The following ADARB2 variants were observed in gnomAD, a reference collection of about 807,000 sequenced individuals.
The protein encoded by ADARB2 is inactive double-stranded RNA-specific editase B2.
ADARB2 carries 25 observed loss-of-function variants against 62.2 expected under a neutral mutation model. That is an observed-to-expected ratio of 0.40 (90% confidence interval 0.29 to 0.56). The LOEUF (loss-of-function observed/expected upper bound fraction) is 0.56, where lower values mean the gene tolerates loss of function less well. Among genes scored for constraint, ADARB2 ranks in the 20% least tolerant of loss-of-function variants. The pLI is 0.43. For missense variants in ADARB2, 1,071 were observed against 1,077.4 expected (o/e 0.99, Z 0.08); for synonymous variants, 572 against 500.8 (o/e 1.14, Z -1.90).
In ADARB2 at chr10:1,414,424, T is replaced by A. The variant is rs148835596; in HGVS notation, c.101-35264A>T. 1.4e-4 allele frequency among the ~76,000 whole-genome samples: 22 copies of A among 152,314 alleles called. No individual in the cohort carries two copies. In the East Asian group the frequency reaches 3.7e-3, roughly 25 times the overall value. On this transcript the variant is annotated intron_variant, in intron 1 of 9. Transcript: ENST00000381312. ...CCAGGGCATAAAATCCCTCGTGGCT[T>A]GGATAGAATCCAGGGCTCGTGGCTC... is the stretch of plus-strand genomic sequence containing the variant.
chr10:1,278,897 A>G (rs1214350565), intron 3 of ADARB2, among the ~76,000 whole-genome samples: 1 of 152,228 alleles, frequency 6.6e-6, no homozygotes, highest in Admixed American at 6.5e-5. Context: ...TGGTCCTGCC[A>G]TAGCACCATG....
intron 1 of ADARB2, among the ~76,000 whole-genome samples, chr10:1,717,697 A>C (rs916930962): frequency 1.3e-5 from 2 of 151,472 alleles, no homozygotes; most frequent in African/African-American, 2.4e-5. Flanking sequence ...CCCGCCCCAG[A>C]CTCCCGAGTA....
At chr10:1,488,928 T>G (rs1831586001) in intron 1 of ADARB2, among the ~76,000 whole-genome samples, 1 of 152,228 alleles carries the variant, frequency 6.6e-6, no homozygotes, top group South Asian at 2.1e-4. Flanking sequence ...CAGGGAGACC[T>G]TATACAGTGT....
intron 4 of ADARB2, among the ~76,000 whole-genome samples, chr10:1,246,833 T>C (rs1221804307): frequency 6.6e-6 from 1 of 151,724 alleles, no homozygotes; most frequent in Non-Finnish European, 1.5e-5. Context: ...TCTTTTTTGG[T>C]TCCATATGAA....
intron 4 of ADARB2, among the ~76,000 whole-genome samples, chr10:1,254,087 C>T (rs73592264): frequency 0.027 from 4,029 of 149,746 alleles, 175 homozygotes; most frequent in African/African-American, 0.094. Context: ...TAGGATGCCG[C>T]GGTCTCTGGT....
At chr10:1,214,942 G>C (rs1023076321) in intron 7 of ADARB2, among the ~76,000 whole-genome samples, 1 of 152,232 alleles carries the variant, frequency 6.6e-6, no homozygotes, top group East Asian at 1.9e-4. Flanking sequence ...ATTTTCCCCA[G>C]CTCTCCCACG....
chr10:1,632,898 G>A (rs1335069032), intron 1 of ADARB2, among the ~76,000 whole-genome samples: 1 of 152,192 alleles, frequency 6.6e-6, no homozygotes, highest in Admixed American at 6.5e-5. Flanking sequence ...GGATGTTTCT[G>A]GAAGAGACCA....
At chr10:1,273,888 G>A (rs1470250642) in intron 3 of ADARB2, among the ~76,000 whole-genome samples, 1 of 152,170 alleles carries the variant, frequency 6.6e-6, no homozygotes, top group Non-Finnish European at 1.5e-5. Flanking sequence ...CTCTGGGACC[G>A]GGTGACGGGT....
intron 1 of ADARB2, among the ~76,000 whole-genome samples, chr10:1,417,388 C>G (rs1475122772): frequency 6.6e-6 from 1 of 152,024 alleles, no homozygotes; most frequent in Non-Finnish European, 1.5e-5. Context: ...GGGAGTGCAG[C>G]CCAGAGGGTC....
intron 1 of ADARB2, among the ~76,000 whole-genome samples, chr10:1,577,447 G>GGAAAGAAGCTCAGGTGTGCTC (rs1588309438): frequency 1.3e-5 from 2 of 152,108 alleles, no homozygotes; most frequent in African/African-American, 2.4e-5. Flanking sequence ...GAAGGTGGAT[G>GGAAAGAAGCTCAGGTGTGCTC]TTGTTTATTG....
At chr10:1,231,609 A>G (rs1390800166) in intron 6 of ADARB2, among the ~76,000 whole-genome samples, 2 of 152,160 alleles carry the variant, frequency 1.3e-5, no homozygotes, top group Non-Finnish European at 2.9e-5. Context: ...TACTGCAGGA[A>G]GTTCCTTTAA....
At chr10:1,210,445 GAA>G (rs1837135931) in intron 7 of ADARB2, among the ~76,000 whole-genome samples, 1 of 152,194 alleles carries the variant, frequency 6.6e-6, no homozygotes, top group African/African-American at 2.4e-5. Context: ...GTCTAGGAGA[GAA>G]AATCTGTAGG....
chr10:1,231,207 G>C (rs11594345), intron 6 of ADARB2, among the ~76,000 whole-genome samples: 41,991 of 152,080 alleles, frequency 0.28, 7,075 homozygotes, highest in South Asian at 0.45. Flanking sequence ...GGATAACTCA[G>C]CACCAACCCC....
intron 1 of ADARB2, among the ~76,000 whole-genome samples, chr10:1,682,996 C>T (rs1484373844): frequency 1.3e-5 from 2 of 152,300 alleles, no homozygotes; most frequent in African/African-American, 2.4e-5. Flanking sequence ...CTAAGAAGCA[C>T]GTGGTTATCG....
intron 1 of ADARB2, among the ~76,000 whole-genome samples, chr10:1,434,542 C>T (rs1313261878): frequency 6.6e-6 from 1 of 152,116 alleles, no homozygotes; most frequent in Non-Finnish European, 1.5e-5. Flanking sequence ...TTGCCCGGGC[C>T]TTTCCTGGGC....
chr10:1,335,668 TA>T (rs1270978339), intron 3 of ADARB2, among the ~76,000 whole-genome samples: 2 of 152,198 alleles, frequency 1.3e-5, no homozygotes, highest in Non-Finnish European at 2.9e-5. Flanking sequence ...ATATCTTTTC[TA>T]AAACCTGAGG....
At chr10:1,592,274 T>A (rs1226975792) in intron 1 of ADARB2, among the ~76,000 whole-genome samples, 1 of 151,402 alleles carries the variant, frequency 6.6e-6, no homozygotes, top group African/African-American at 2.5e-5. Context: ...CAAGCCACAC[T>A]CTGTAGGTCT....
At chr10:1,187,807 G>T (rs1284012478) in intron 8 of ADARB2, 1 of 413,654 alleles carries the variant, frequency 2.4e-6, no homozygotes, top group Non-Finnish European at 5.0e-6. Context: ...TGGCGGGTGG[G>T]CTGCGGGGTC....
intron 1 of ADARB2, among the ~76,000 whole-genome samples, chr10:1,457,227 A>T (rs1173837732): frequency 1.3e-5 from 2 of 152,228 alleles, no homozygotes; most frequent in Non-Finnish European, 2.9e-5. Context: ...ATAAATTTAG[A>T]CATAAGGCTC....
Sources: allele counts gnomAD v4.1 joint callset (sites outside exome capture counted in the v4.1 genomes callset), GRCh38; gene constraint gnomAD v4.1.1; transcripts MANE v1.5; gene names NCBI Gene and HGNC (gene_info 2026-07-23, HGNC 2026-07-21).